TSC2: variants seen among roughly 807,000 people sequenced by gnomAD.
TSC2 encodes the protein tuberin.
TSC2 carries 29 observed loss-of-function variants against 202.2 expected under a neutral mutation model. That is an observed-to-expected ratio of 0.14 (90% CI 0.11 to 0.20). The LOEUF (loss-of-function observed/expected upper bound fraction) is 0.20, where lower values mean the gene tolerates loss of function less well. Among genes scored for constraint, TSC2 ranks in the 10% least tolerant of loss-of-function variants. The probability of loss-of-function intolerance (pLI) is 1.00; values close to 1 mark genes in which losing one functional copy is unlikely to be tolerated. For synonymous variants in TSC2, 1,349 were observed against 1,044.0 expected (o/e 1.29, Z -5.63); for missense variants, 2,429 against 2,420.0 (o/e 1.00, Z -0.08).
In TSC2 at chr16:2,076,836, G is replaced by A. The variant is rs185041572; in HGVS notation, c.2837+251G>A. ...TGTGGAATTGGGGGTTGGGGTGCAAGCTTTAGGCGCCTGAGCCCCTCGAAG... is the reference window on the plus strand; with the variant it reads ...TGTGGAATTGGGGGTTGGGGTGCAAACTTTAGGCGCCTGAGCCCCTCGAAG... On this transcript the variant is annotated intron_variant, in intron 25 of 41. Transcript: ENST00000219476. Among the ~76,000 whole-genome samples the A allele has an allele frequency of 3.8e-3, 582 of 152,336 alleles. 5 individuals are homozygous for A. The highest frequency in any genetic ancestry group is 0.013 in the African/African-American group (553 of 41,584).
chr16:2,058,569 G>A (rs2086195381), intron 9 of TSC2, among the ~76,000 whole-genome samples, 178 bp from the exon 10 acceptor site: 2 of 152,238 alleles, frequency 1.3e-5, no homozygotes, highest in African/African-American at 2.4e-5. Context: ...GTGCGCAGGA[G>A]TGAACAAGAG....
chr16:2,068,665 G>T (rs945278660), intron 16 of TSC2: 1 of 152,226 alleles, frequency 6.6e-6, no homozygotes, highest in East Asian at 1.9e-4. Context: ...ATGAGGCCAG[G>T]AGTTCGAGAC....
chr16:2,061,757 G>A (rs2086663829), intron 11 of TSC2, 114 bp from the exon 12 acceptor site: 10 of 1,573,366 alleles, frequency 6.4e-6, no homozygotes, highest in Non-Finnish European at 8.7e-6. Flanking sequence ...GCGGCCCAGA[G>A]CGGCCTGAGA....
chr16:2,066,443 C>G (rs547452578), intron 16 of TSC2: 1 of 152,290 alleles, frequency 6.6e-6, no homozygotes, highest in Admixed American at 6.5e-5. Context: ...GTCCGCCTTG[C>G]AGCTGCGGTG....
Position 2,079,223 on chromosome 16 carries a change from G to T in TSC2, c.3131+27G>T. On this transcript the variant is annotated intron_variant, in intron 27 of 41. Coordinates refer to ENST00000219476, the MANE Select transcript of TSC2 (RefSeq NM_000548.5). The surrounding 1 kb of genome is among the most constrained non-coding windows in gnomAD (Gnocchi z 4.6). The stretch of plus-strand genomic sequence containing the variant: ...TCCAGGCGGCACTACAGGGCTGGGC[G>T]GGCCTGCGGGAGCTCCACGGGCAAG... 1 of 1,612,816 alleles carries T rather than the reference G, an allele frequency of 6.2e-7. No homozygotes were observed. The highest frequency in any genetic ancestry group is 8.5e-7 in the Non-Finnish European group (1 of 1,180,008).
chr16:2,056,959 C>A, intron 8 of TSC2, 146 bp from the exon 9 acceptor site: 2 of 1,355,916 alleles, frequency 1.5e-6, no homozygotes, highest in Non-Finnish European at 2.1e-6. Context: ...GAGAACCCTG[C>A]TGCCTCTGTC....
At position 2,082,421 on chromosome 16, in the gene TSC2, G is replaced by A. The variant is rs45480591; in HGVS notation, c.3815-15G>A. On this transcript the variant is annotated splice_polypyrimidine_tract_variant and intron_variant, in intron 31 of 41. Coordinates refer to ENST00000219476, the MANE Select transcript of TSC2 (RefSeq NM_000548.5). ...TCCTCCTGCTGACGTGGCCGCACAC[G>A]GCCTTCCCTTGCAGTGGCCTCTTTC... The A allele has an allele frequency of 1.4e-3, 2,199 of 1,612,444 alleles. 7 individuals are homozygous for A. The highest frequency in any genetic ancestry group is 3.8e-3 in the Middle Eastern group (23 of 6,060).
At position 2,072,977 on chromosome 16, in the gene TSC2, C is replaced by T. The variant is rs1003048370; in HGVS notation, c.2349C>T (p.Thr783=). 1.9e-6 allele frequency: 3 copies of T among 1,613,396 alleles called. No individual in the cohort carries two copies. The highest frequency in any genetic ancestry group is 1.3e-5 in the African/African-American group (1 of 74,952). The change falls in exon 21 of 42, where the codon ACC becomes ACT. Residue 783 remains threonine, a synonymous_variant. Transcript: ENST00000219476. ...LISYHNYLDK[T]KQREMVYCLE... Reference sequence around the variant, plus strand: ...CTTACCATAACTACCTGGACAAAACCAAACAGGTAGGAGGTCAGAGCAGGA... The same window carrying T: ...CTTACCATAACTACCTGGACAAAACTAAACAGGTAGGAGGTCAGAGCAGGA...
At position 2,079,705 on chromosome 16, in the gene TSC2, C is replaced by T. The variant is rs111457138; in HGVS notation, c.3397+36C>T. 3.9e-5 allele frequency: 60 copies of T among 1,542,756 alleles called. No homozygotes were observed. Among genetic ancestry groups the T allele is most frequent in the African/African-American group, 2.9e-4 (21 of 73,122 alleles). ...GCCCCAGCCACCTCCACACAGGCAC[C>T]GGGGCTCCCTCAGTTGCTGCTGGTC... On this transcript the variant is annotated intron_variant, in intron 29 of 41. Coordinates refer to ENST00000219476, the MANE Select transcript of TSC2 (RefSeq NM_000548.5). The surrounding 1 kb of genome is among the most constrained non-coding windows in gnomAD (Gnocchi z 4.6).
Position 2,084,244 on chromosome 16 carries a change from G to C in TSC2, c.4022G>C (p.Ser1341Thr). ...DAYSRSSSVS[S>T]QEEKSLHAEE... ...CCTTTCTAGTCGTCCTCAGTCTCCAGCCAGGAGGAGAAGTCGCTCCACGCG... is the reference window on the plus strand; with the variant it reads ...CCTTTCTAGTCGTCCTCAGTCTCCACCCAGGAGGAGAAGTCGCTCCACGCG... The change falls in exon 34 of 42, where the codon AGC (serine) becomes ACC (threonine). Residue 1341 changes from serine to threonine, a missense_variant. Coordinates refer to ENST00000219476, the MANE Select transcript of TSC2 (RefSeq NM_000548.5). 1 of 1,598,266 alleles carries C rather than the reference G, an allele frequency of 6.3e-7. No individual in the cohort carries two copies.
intron 5 of TSC2, 191 bp from the exon 6 acceptor site, chr16:2,055,211 G>A (rs965859189): frequency 2.7e-5 from 18 of 665,332 alleles, no homozygotes; most frequent in African/African-American, 8.8e-5. Flanking sequence ...GTGTCCGTGC[G>A]TAGCCGGCCT....
chr16:2,085,884 G>A (rs1428727500), intron 36 of TSC2, among the ~76,000 whole-genome samples: 1 of 152,158 alleles, frequency 6.6e-6, no homozygotes, highest in Non-Finnish European at 1.5e-5. Flanking sequence ...CGAGGAGGTG[G>A]GTGGTGATGG....
chr16:2,080,490 T>C (rs980752352), intron 30 of TSC2, 113 bp downstream of exon 30: 3 of 1,314,072 alleles, frequency 2.3e-6, no homozygotes, highest in African/African-American at 3.2e-5. Context: ...GGGTAACTTT[T>C]GTTTTTTTTT....
chr16:2,088,031 C>T lies in TSC2; in HGVS notation c.5069-17C>T, dbSNP rs2091081771. The T allele has an allele frequency of 1.9e-6, 3 of 1,612,800 alleles. No individual in the cohort carries two copies. The highest frequency in any genetic ancestry group is 2.5e-6 in the Non-Finnish European group (3 of 1,179,948). On this transcript the variant is annotated splice_polypyrimidine_tract_variant and intron_variant, in intron 39 of 41. Transcript: ENST00000219476. ...GCCAAGAGCCCTGGGCCTGGCGTGA[C>T]CACCAAGTCTCCCCAGACATGGAGG...
In TSC2 at chr16:2,088,982, C is replaced by T; in HGVS notation, c.*372C>T. 3.4e-6 allele frequency: 1 copy of T among 297,162 alleles called. No individual in the cohort carries two copies. The allele number at this position is 297,162 out of a possible 1,614,324, so 18.4% of individuals were successfully genotyped here. A position where few individuals can be genotyped will look rare whatever the true frequency, so the allele number is the denominator to read the frequency against. On this transcript the variant is annotated 3_prime_UTR_variant, in exon 42 of 42. Coordinates refer to ENST00000219476, the MANE Select transcript of TSC2 (RefSeq NM_000548.5). ...CCTGGGGTCCTCTGACATGCCTAGT[C>T]CTGCTACTTGCCCAGACCTGATGCC...
Position 2,088,562 on chromosome 16 carries a change from G to C in TSC2, c.5376G>C (p.Gln1792His), listed in dbSNP as rs45517422. 2.5e-6 allele frequency: 4 copies of C among 1,610,700 alleles called. No individual in the cohort carries two copies. Among genetic ancestry groups the C allele is most frequent in the Non-Finnish European group, 3.4e-6 (4 of 1,179,934 alleles). Residue 1792 changes from glutamine to histidine, a missense_variant, in exon 42 of 42, where the codon CAG becomes CAC. Transcript: ENST00000219476. Reference sequence around the variant, plus strand: ...CCACACCTGGCTATGAGGTGGGCCAGCGGAAGCGCCTCATCTCCTCGGTGG... The same window carrying C: ...CCACACCTGGCTATGAGGTGGGCCACCGGAAGCGCCTCATCTCCTCGGTGG... ...AEPTPGYEVG[Q>H]RKRLISSVED...
At chr16:2,051,319 CAA>C (rs1200941889) in intron 3 of TSC2, among the ~76,000 whole-genome samples, 15 of 120,924 alleles carry the variant, frequency 1.2e-4, no homozygotes, top group Admixed American at 1.7e-4. Flanking sequence ...GACTCTGTCT[CAA>C]AAAAAAAAAA....
At chr16:2,066,627 C>T (rs2151222238) in intron 16 of TSC2, among the ~76,000 whole-genome samples, 1 of 149,750 alleles carries the variant, frequency 6.7e-6, no homozygotes, top group Middle Eastern at 3.6e-3. Context: ...TCCACTCGAG[C>T]AGCATGTAAG....
chr16:2,080,752 G>GGGATTACA (rs1286137298), intron 30 of TSC2: 1 of 265,868 alleles, frequency 3.8e-6, no homozygotes, highest in East Asian at 9.5e-5. Flanking sequence ...CCAAAGTGCT[G>GGGATTACA]GGATTACAGG....
Sources: gnomAD v4.1 joint callset for allele counts (sites outside exome capture counted in the v4.1 genomes callset) on GRCh38, gnomAD v4.1.1 for gene constraint, Gnocchi (gnomAD v3.1) non-coding constraint, MANE v1.5 for transcripts, NCBI Gene and HGNC (gene_info 2026-07-23, HGNC 2026-07-21) for gene names.